STIM2: variants seen among roughly 807,000 people sequenced by gnomAD.
The protein encoded by STIM2 is stromal interaction molecule 2.
In STIM2, 31 loss-of-function variants were observed where a neutral mutation model predicts 85.8. The ratio of observed to expected loss-of-function variants is 0.36; its 90% CI spans 0.27 to 0.49. The LOEUF (loss-of-function observed/expected upper bound fraction) is 0.49, where lower values mean the gene tolerates loss of function less well. Ranked by LOEUF, STIM2 falls within the 20% of genes least tolerant of loss-of-function variation. STIM2 has a pLI of 0.98. For synonymous variants in STIM2, 356 were observed against 331.1 expected, an observed-to-expected ratio of 1.08 and a Z score of -0.82; for missense variants, 841 against 927.6, an observed-to-expected ratio of 0.91 and a Z score of 1.21.
At chr4:26,881,214 G>T (rs1051944717) in intron 1 of STIM2, among the ~76,000 whole-genome samples, 2 of 151,982 alleles carry the variant, frequency 1.3e-5, no homozygotes, top group Non-Finnish European at 2.9e-5. Flanking sequence ...GCTGGTAATC[G>T]CAGTTCTTTG....
chr4:26,928,753 A>G (rs539033630), intron 2 of STIM2, among the ~76,000 whole-genome samples: 2 of 152,202 alleles, frequency 1.3e-5, no homozygotes, highest in African/African-American at 2.4e-5. Flanking sequence ...TTTATATTTC[A>G]GTGGAAATCT....
chr4:26,990,796 A>C (rs1727739824), intron 3 of STIM2, among the ~76,000 whole-genome samples: 1 of 152,046 alleles, frequency 6.6e-6, no homozygotes, highest in Non-Finnish European at 1.5e-5. Flanking sequence ...GTAGGCATAA[A>C]GACATACCAG....
At chr4:26,945,743 T>C (rs779989412) in intron 2 of STIM2, among the ~76,000 whole-genome samples, 16 of 152,208 alleles carry the variant, frequency 1.1e-4, no homozygotes, top group Admixed American at 6.5e-5. Context: ...TGTATGTATG[T>C]CGTATTTTGA....
chr4:26,903,603 T>A (rs1018835156), intron 1 of STIM2, among the ~76,000 whole-genome samples: 4 of 152,148 alleles, frequency 2.6e-5, no homozygotes, highest in African/African-American at 7.2e-5. Context: ...ATATAACTTA[T>A]AATAAATAAG....
At chr4:26,870,354 G>A (rs1268320598) in intron 1 of STIM2, among the ~76,000 whole-genome samples, 1 of 151,018 alleles carries the variant, frequency 6.6e-6, no homozygotes, top group Admixed American at 6.6e-5. Flanking sequence ...TAGCTTCATT[G>A]TGGTGAATAT....
At position 27,017,888 on chromosome 4, in the gene STIM2, C is replaced by T. The variant is rs144093498; in HGVS notation, c.1667C>T (p.Ser556Phe). 2.2e-4 allele frequency: 358 copies of T among 1,614,186 alleles called. No individual in the cohort carries two copies. Among genetic ancestry groups the T allele is most frequent in the Admixed American group, 3.8e-4 (23 of 60,022 alleles). ...CAACACACACCACACTCCTTGCCTTCCCCTGATCCAGATATCCTCTCAGTG... is the reference window on the plus strand; with the variant it reads ...CAACACACACCACACTCCTTGCCTTTCCCTGATCCAGATATCCTCTCAGTG... Residue 556 changes from serine (S) to phenylalanine (F), a missense_variant, in exon 11 of 12, where the codon TCC becomes TTC. Physicochemically the swap from Ser to Phe is radical, Grantham distance 155 (BLOSUM62 -2). Transcript: ENST00000467087.
At chr4:26,987,568 C>G (rs762956311) in intron 3 of STIM2, among the ~76,000 whole-genome samples, 1 of 152,170 alleles carries the variant, frequency 6.6e-6, no homozygotes, top group Non-Finnish European at 1.5e-5. Flanking sequence ...CCACCATCTC[C>G]TTTGTTCCAG....
chr4:26,961,280 T>A (rs375151201), intron 3 of STIM2, among the ~76,000 whole-genome samples: 1 of 152,086 alleles, frequency 6.6e-6, no homozygotes, highest in Non-Finnish European at 1.5e-5. Flanking sequence ...AAGTAGAAGC[T>A]CCTGTTTGTA....
chr4:26,879,217 C>T (rs1021005308), intron 1 of STIM2, among the ~76,000 whole-genome samples: 2 of 152,108 alleles, frequency 1.3e-5, no homozygotes, highest in Admixed American at 6.5e-5. Flanking sequence ...ATTATGTAAT[C>T]GACATGACAG....
Position 26,861,071 on chromosome 4 carries a change from G to C in STIM2, c.-148G>C. ...GGGGGCGGCCGGAGGAGTCGCCGGCGGCGGTGGTGGCGCCTCGCGGAGCCG... is the reference window on the plus strand; with the variant it reads ...GGGGGCGGCCGGAGGAGTCGCCGGCCGCGGTGGTGGCGCCTCGCGGAGCCG... On this transcript the variant is annotated 5_prime_UTR_variant, in exon 1 of 12. Transcript: ENST00000467087. 1.7e-6 allele frequency: 2 copies of C among 1,187,008 alleles called. No homozygotes were observed. The highest frequency in any genetic ancestry group is 2.1e-6 in the Non-Finnish European group (2 of 961,824). 73.5% of individuals were successfully genotyped at this position (1,187,008 alleles called of 1,614,324 possible).
At chr4:26,965,566 GTC>G (rs1225387729) in intron 3 of STIM2, among the ~76,000 whole-genome samples, 1 of 151,976 alleles carries the variant, frequency 6.6e-6, no homozygotes, top group African/African-American at 2.4e-5. Flanking sequence ...GCATTTTAGT[GTC>G]TCTATTCCCT....
chr4:26,970,962 G>A (rs1236356501), intron 3 of STIM2, among the ~76,000 whole-genome samples: 1 of 152,154 alleles, frequency 6.6e-6, no homozygotes, highest in Non-Finnish European at 1.5e-5. Context: ...GTATCTCATT[G>A]TGGTTTTAAT....
chr4:26,911,865 C>T (rs1037517400), intron 1 of STIM2, among the ~76,000 whole-genome samples: 3 of 151,980 alleles, frequency 2.0e-5, no homozygotes, highest in Non-Finnish European at 4.4e-5. Flanking sequence ...GGAGAAATAG[C>T]CATTAATCCT....
chr4:26,902,288 T>C (rs1723953030), intron 1 of STIM2, among the ~76,000 whole-genome samples: 1 of 152,082 alleles, frequency 6.6e-6, no homozygotes, highest in Non-Finnish European at 1.5e-5. Context: ...AATTAGAAAA[T>C]ATGCAGATGT....
intron 1 of STIM2, among the ~76,000 whole-genome samples, chr4:26,884,832 T>C (rs1410101238): frequency 6.6e-6 from 1 of 152,162 alleles, no homozygotes; most frequent in Non-Finnish European, 1.5e-5. Flanking sequence ...ATCTTATAGG[T>C]AATGTAACGG....
At chr4:26,931,316 C>A (rs1422381992) in intron 2 of STIM2, among the ~76,000 whole-genome samples, 1 of 152,120 alleles carries the variant, frequency 6.6e-6, no homozygotes, top group African/African-American at 2.4e-5. Context: ...AGCCAACCAT[C>A]ACGGGGAGAC....
intron 2 of STIM2, among the ~76,000 whole-genome samples, chr4:26,947,308 T>A (rs1308832736): frequency 6.6e-6 from 1 of 152,206 alleles, no homozygotes; most frequent in Non-Finnish European, 1.5e-5. Flanking sequence ...ACATACGAAA[T>A]ACAAATAGTT....
chr4:26,870,219 G>A (rs1198699170), intron 1 of STIM2, among the ~76,000 whole-genome samples: 2 of 151,656 alleles, frequency 1.3e-5, no homozygotes, highest in African/African-American at 2.4e-5. Context: ...ATGTACAACA[G>A]TGTGACTGTA....
chr4:26,899,526 A>G (rs570582035), intron 1 of STIM2, among the ~76,000 whole-genome samples: 2 of 152,150 alleles, frequency 1.3e-5, no homozygotes, highest in Non-Finnish European at 2.9e-5. Context: ...TAATGAAACA[A>G]TCAAGGTTTA....
Sources: gnomAD v4.1 joint callset for allele counts (sites outside exome capture counted in the v4.1 genomes callset) on GRCh38, gnomAD v4.1.1 for gene constraint, MANE v1.5 for transcripts, NCBI Gene and HGNC (gene_info 2026-07-23, HGNC 2026-07-21) for gene names.